Variants in UMAD1 observed in about 807,000 individuals in gnomAD.
UMAD1 encodes the protein UBAP1-MVB12-associated (UMA)-domain containing protein 1.
In UMAD1, 8 loss-of-function variants were observed where a neutral mutation model predicts 6.1. That is an observed-to-expected ratio of 1.30 (90% CI 0.76 to 2.35). UMAD1 has a LOEUF of 2.35. Ranked by LOEUF, UMAD1 falls within the 30% of genes most tolerant of loss-of-function variation. UMAD1 has a pLI of 0.00. For missense variants in UMAD1, 130 were observed against 78.4 expected, an observed-to-expected ratio of 1.66 and a Z score of -2.49; for synonymous variants, 56 against 31.4, an observed-to-expected ratio of 1.78 and a Z score of -2.61.
At chr7:7,792,907 A>T (rs76748142) in intron 2 of UMAD1, among the ~76,000 whole-genome samples, 4,488 of 152,046 alleles carry the variant, frequency 0.03, 111 homozygotes, top group Middle Eastern at 0.061. Context: ...GCTCTCTTCA[A>T]CCCCTTCTAA....
At chr7:7,846,205 T>A (rs1337442018) in intron 3 of UMAD1, among the ~76,000 whole-genome samples, 2 of 152,214 alleles carry the variant, frequency 1.3e-5, no homozygotes, top group Non-Finnish European at 2.9e-5. Flanking sequence ...CAGATTTCAA[T>A]GACACGTGTA....
intron 3 of UMAD1, among the ~76,000 whole-genome samples, chr7:7,804,962 C>G (rs1256697838): frequency 6.6e-6 from 1 of 150,456 alleles, no homozygotes; most frequent in Non-Finnish European, 1.5e-5. Flanking sequence ...GCCTGGGCGA[C>G]AGAGCGGAAC....
At chr7:7,809,237 C>T (rs1583841400) in intron 3 of UMAD1, among the ~76,000 whole-genome samples, 3 of 152,024 alleles carry the variant, frequency 2.0e-5, no homozygotes, top group Admixed American at 2.0e-4. Flanking sequence ...TTCAAACACA[C>T]TTCTCAATTT....
At chr7:7,800,387 G>A (rs556040391) in intron 2 of UMAD1, among the ~76,000 whole-genome samples, 1 of 152,182 alleles carries the variant, frequency 6.6e-6, no homozygotes, top group East Asian at 1.9e-4. Context: ...TTTAGTTCTT[G>A]TTTCATGATT....
In UMAD1 at chr7:7,730,441, C is replaced by A. The variant is rs551725946; in HGVS notation, c.82+56988C>A. Among the ~76,000 whole-genome samples, 6 of 152,212 alleles carry A rather than the reference C, an allele frequency of 3.9e-5. No homozygotes were observed. The East Asian group carries it at 9.7e-4, about 25-fold the overall frequency. ...GCTGCTTCTTGCACTCTCTGCTAGT[C>A]CTCATTTTAAGCAATTGATCTTGTC... is the stretch of plus-strand genomic sequence containing the variant. On this transcript the variant is annotated intron_variant, in intron 2 of 3. Coordinates refer to ENST00000682710, the MANE Select transcript of UMAD1 (RefSeq NM_001302348.2).
At chr7:7,801,250 C>T (rs1046597960) in intron 2 of UMAD1, among the ~76,000 whole-genome samples, 1 of 152,218 alleles carries the variant, frequency 6.6e-6, no homozygotes, top group African/African-American at 2.4e-5. Context: ...TACTCCAAGG[C>T]AAATCCACAA....
intron 1 of UMAD1, among the ~76,000 whole-genome samples, chr7:7,642,780 C>T (rs547820672): frequency 6.6e-6 from 1 of 152,276 alleles, no homozygotes; most frequent in African/African-American, 2.4e-5. Flanking sequence ...CCAGTTTGCA[C>T]TTCCCCAATG....
Position 7,724,729 on chromosome 7 carries a change from C to T in UMAD1, c.82+51276C>T, listed in dbSNP as rs1464225756. Among the ~76,000 whole-genome samples the T allele has an allele frequency of 4.6e-5, 7 of 152,212 alleles. 1 individual carries two copies. The highest frequency in any genetic ancestry group is 1.0e-4 in the Non-Finnish European group (7 of 68,044). On this transcript the variant is annotated intron_variant, in intron 2 of 3. Transcript: ENST00000682710. Reference sequence around the variant, plus strand: ...GCAGCTGCTATACCAGATGTGGTTTCATTGCTTGAGCAAATTAATACATCT... The same window carrying T: ...GCAGCTGCTATACCAGATGTGGTTTTATTGCTTGAGCAAATTAATACATCT...
At chr7:7,741,560 G>C (rs1781464672) in intron 2 of UMAD1, among the ~76,000 whole-genome samples, 1 of 148,138 alleles carries the variant, frequency 6.8e-6, no homozygotes, top group Admixed American at 6.7e-5. Context: ...CTGGGCTACA[G>C]AGCGAGACAA....
Position 7,876,276 on chromosome 7 carries a change from G to T in UMAD1, c.157-1005G>T, listed in dbSNP as rs369841289. 3.9e-5 allele frequency among the ~76,000 whole-genome samples: 6 copies of T among 152,296 alleles called. No individual in the cohort carries two copies. The East Asian group carries it at 1.2e-3, about 29-fold the overall frequency. ...AGCACTTGCAAGGAGCACTAGCAAGGAGACAGTGGGATTGAAGAGGAATAG... is the reference window on the plus strand; with the variant it reads ...AGCACTTGCAAGGAGCACTAGCAAGTAGACAGTGGGATTGAAGAGGAATAG... On this transcript the variant is annotated intron_variant, in intron 3 of 3. Transcript: ENST00000682710.
At chr7:7,655,142 A>C (rs1433799933) in intron 1 of UMAD1, among the ~76,000 whole-genome samples, 1 of 152,124 alleles carries the variant, frequency 6.6e-6, no homozygotes, top group East Asian at 1.9e-4. Context: ...AATGATGAGT[A>C]GCTGGCAGTT....
At chr7:7,849,580 A>C (rs1043756623) in intron 3 of UMAD1, among the ~76,000 whole-genome samples, 8 of 152,166 alleles carry the variant, frequency 5.3e-5, no homozygotes, top group African/African-American at 1.9e-4. Flanking sequence ...TGGTCATTCA[A>C]CAGTATTTAT....
chr7:7,769,257 A>C (rs572100860), intron 2 of UMAD1, among the ~76,000 whole-genome samples: 1 of 152,340 alleles, frequency 6.6e-6, no homozygotes, highest in East Asian at 1.9e-4. Flanking sequence ...TGCTTCTGTC[A>C]ATTAGGGAGA....
chr7:7,644,321 G>T (rs1235828323), intron 1 of UMAD1, among the ~76,000 whole-genome samples: 1 of 147,548 alleles, frequency 6.8e-6, no homozygotes, highest in East Asian at 2.0e-4. Flanking sequence ...TCTGTTTTTG[G>T]CCTATCTTTC....
At chr7:7,869,449 CT>C (rs1784297421) in intron 3 of UMAD1, among the ~76,000 whole-genome samples, 1 of 152,192 alleles carries the variant, frequency 6.6e-6, no homozygotes, top group South Asian at 2.1e-4. Flanking sequence ...CAGCTACCTT[CT>C]TTGCATGTAA....
chr7:7,652,430 G>A (rs761477969), intron 1 of UMAD1, among the ~76,000 whole-genome samples: 1 of 152,134 alleles, frequency 6.6e-6, no homozygotes, highest in Non-Finnish European at 1.5e-5. Flanking sequence ...ACAGCTGGCT[G>A]TCTTGTTTAC....
chr7:7,827,141 ATATATATGTGTGTG>A (rs1259074446), intron 3 of UMAD1, among the ~76,000 whole-genome samples: 3 of 134,960 alleles, frequency 2.2e-5, no homozygotes, highest in African/African-American at 8.7e-5. Context: ...ATATATATAT[ATATATATGTGTGTG>A]TGTGTGTGTG....
chr7:7,795,137 C>G (rs184342949), intron 2 of UMAD1, among the ~76,000 whole-genome samples: 170 of 152,308 alleles, frequency 1.1e-3, no homozygotes, highest in African/African-American at 3.8e-3. Flanking sequence ...CCTGTAATTT[C>G]TTTCTCTCTA....
intron 3 of UMAD1, among the ~76,000 whole-genome samples, chr7:7,856,514 G>T (rs889695168): frequency 1.3e-5 from 2 of 152,164 alleles, no homozygotes; most frequent in Non-Finnish European, 2.9e-5. Context: ...GGTCCCTCCC[G>T]CAACATATGG....
Sources: allele counts gnomAD v4.1 joint callset (sites outside exome capture counted in the v4.1 genomes callset), GRCh38; gene constraint gnomAD v4.1.1; transcripts MANE v1.5; gene names NCBI Gene and HGNC (gene_info 2026-07-23, HGNC 2026-07-21).